The following UBE2E2 variants were observed in gnomAD, a reference collection of about 807,000 sequenced individuals.
The protein encoded by UBE2E2 is ubiquitin-conjugating enzyme E2 E2.
UBE2E2 carries 6 observed loss-of-function variants against 24.7 expected under a neutral mutation model. The observed-to-expected ratio is 0.24, with a 90% CI of 0.13 to 0.48. The LOEUF (loss-of-function observed/expected upper bound fraction) is 0.48. UBE2E2 is among the 20% of genes least tolerant of loss of function. The pLI is 0.99. For missense variants in UBE2E2, 169 were observed against 245.0 expected (o/e 0.69, Z 2.07); for synonymous variants, 104 against 83.6 (o/e 1.24, Z -1.33).
intron 3 of UBE2E2, among the ~76,000 whole-genome samples, chr3:23,449,607 A>G (rs1238853422): frequency 2.6e-5 from 4 of 152,192 alleles, no homozygotes; most frequent in African/African-American, 7.2e-5. Context: ...GGTTCAATCT[A>G]ATCTTTTCAG....
At chr3:23,370,833 TAAAC>T (rs975825261) in intron 3 of UBE2E2, among the ~76,000 whole-genome samples, 1 of 152,088 alleles carries the variant, frequency 6.6e-6, no homozygotes, top group African/African-American at 2.4e-5. Context: ...AGGAAGGTGA[TAAAC>T]AAATGGAAGG....
chr3:23,337,854 G>A (rs533280810), intron 3 of UBE2E2, among the ~76,000 whole-genome samples: 15 of 152,272 alleles, frequency 9.9e-5, no homozygotes, highest in African/African-American at 3.4e-4. Context: ...TATAGAGAAA[G>A]CCATCAAAAT....
chr3:23,572,674 T>C (rs918492729), intron 5 of UBE2E2, among the ~76,000 whole-genome samples: 17 of 152,224 alleles, frequency 1.1e-4, no homozygotes, highest in Non-Finnish European at 2.4e-4. Context: ...CTTAGGATAG[T>C]GGCCTTCAGC....
At chr3:23,499,523 T>C in intron 3 of UBE2E2, 85 bp from the exon 4 acceptor site, 2 of 1,503,856 alleles carry the variant, frequency 1.3e-6, no homozygotes, top group Non-Finnish European at 1.8e-6. Flanking sequence ...ATGGAATTGC[T>C]CAATTGGTTA....
intron 3 of UBE2E2, among the ~76,000 whole-genome samples, chr3:23,353,468 A>T (rs976576247): frequency 6.6e-6 from 1 of 152,216 alleles, no homozygotes; most frequent in Admixed American, 6.5e-5. Context: ...AGATGACATG[A>T]TAGTATATCT....
rs535342742 is a variant in UBE2E2 at position 23,315,097 on chromosome 3, C to G, written c.227+97785C>G. Among the ~76,000 whole-genome samples, 6 of 152,204 alleles carry G rather than the reference C, an allele frequency of 3.9e-5. No homozygotes were observed. The South Asian group carries it at 1.2e-3, about 32-fold the overall frequency. ...AAGGGCAGTAACTCTTAGGTTTGCC[C>G]TTTTAAGGATATTTTCTAGATCTTG... On this transcript the variant is annotated intron_variant, in intron 3 of 5. Coordinates refer to ENST00000396703, the MANE Select transcript of UBE2E2 (RefSeq NM_152653.4).
chr3:23,329,189 T>C (rs1034490248), intron 3 of UBE2E2, among the ~76,000 whole-genome samples: 3 of 152,150 alleles, frequency 2.0e-5, no homozygotes, highest in African/African-American at 4.8e-5. Context: ...ACTGTAGTTA[T>C]AGGGGAAAGT....
At position 23,467,664 on chromosome 3, in the gene UBE2E2, T is replaced by C. The variant is rs550069823; in HGVS notation, c.228-31944T>C. Among the ~76,000 whole-genome samples, 3 of 152,230 alleles carry C rather than the reference T, an allele frequency of 2.0e-5. No homozygotes were observed. In the South Asian group the frequency reaches 6.2e-4, roughly 31 times the overall value. On this transcript the variant is annotated intron_variant, in intron 3 of 5. Transcript: ENST00000396703. ...AGCTGCACTGTGATCTATGGTTATG[T>C]AACCCCACCATTTATAGCCTCACTA... is the stretch of plus-strand genomic sequence containing the variant.
rs1037017343 is a variant in UBE2E2, at chr3:23,359,375, T to C, written c.228-140233T>C. ...TCATAAGCAGTGAGGACTGGAGAAA[T>C]CACCTAGATTCCTCAGGCCAGATAT... On this transcript the variant is annotated intron_variant, in intron 3 of 5. Coordinates refer to ENST00000396703, the MANE Select transcript of UBE2E2 (RefSeq NM_152653.4). 6.6e-5 allele frequency among the ~76,000 whole-genome samples: 10 copies of C among 152,210 alleles called. 1 individual carries two copies. Among genetic ancestry groups the C allele is most frequent in the Admixed American group, 3.9e-4 (6 of 15,272 alleles).
chr3:23,321,533 A>T (rs763052251), intron 3 of UBE2E2, among the ~76,000 whole-genome samples: 3 of 151,390 alleles, frequency 2.0e-5, no homozygotes, highest in Non-Finnish European at 2.9e-5. Context: ...CCAGCTGCTA[A>T]ATCTCCTAGG....
chr3:23,227,851 T>C (rs1215533799), intron 3 of UBE2E2, among the ~76,000 whole-genome samples: 1 of 152,120 alleles, frequency 6.6e-6, no homozygotes, highest in East Asian at 1.9e-4. Flanking sequence ...TTCAAGCTTG[T>C]TTATATTCTC....
At chr3:23,298,998 C>T (rs1220518587) in intron 3 of UBE2E2, among the ~76,000 whole-genome samples, 1 of 152,156 alleles carries the variant, frequency 6.6e-6, no homozygotes, top group Admixed American at 6.5e-5. Context: ...GATTCAACTT[C>T]TTCCTGGTTT....
intron 3 of UBE2E2, among the ~76,000 whole-genome samples, chr3:23,335,245 A>G (rs1032871103): frequency 2.0e-5 from 3 of 152,168 alleles, no homozygotes; most frequent in Non-Finnish European, 4.4e-5. Context: ...GATGGGGGTA[A>G]AAATTAAAGA....
At chr3:23,224,643 T>A (rs546739784) in intron 3 of UBE2E2, among the ~76,000 whole-genome samples, 3 of 152,144 alleles carry the variant, frequency 2.0e-5, no homozygotes, top group Non-Finnish European at 4.4e-5. Context: ...TGCCCTTTAT[T>A]TCTTTTCTCT....
At chr3:23,570,070 TA>T (rs1696186737) in intron 5 of UBE2E2, among the ~76,000 whole-genome samples, 1 of 152,202 alleles carries the variant, frequency 6.6e-6, no homozygotes, top group South Asian at 2.1e-4. Context: ...GGTCCATTTT[TA>T]AACTCCCATC....
intron 5 of UBE2E2, among the ~76,000 whole-genome samples, chr3:23,551,908 A>C (rs764310192): frequency 6.6e-6 from 1 of 152,188 alleles, no homozygotes; most frequent in Non-Finnish European, 1.5e-5. Context: ...ATAAAGAGGT[A>C]ATCAAAGTTA....
At chr3:23,356,736 A>G (rs760675120) in intron 3 of UBE2E2, among the ~76,000 whole-genome samples, 3 of 152,352 alleles carry the variant, frequency 2.0e-5, no homozygotes, top group African/African-American at 7.2e-5. Context: ...CAGAAACACT[A>G]AATCTCTGTT....
intron 4 of UBE2E2, among the ~76,000 whole-genome samples, chr3:23,520,468 C>T (rs1044279004): frequency 1.4e-4 from 21 of 152,158 alleles, no homozygotes; most frequent in Admixed American, 1.4e-3. Flanking sequence ...TGATTACCCT[C>T]AAGTATGCAT....
At chr3:23,541,634 A>AACC in intron 5 of UBE2E2, among the ~76,000 whole-genome samples, 1 of 152,378 alleles carries the variant, frequency 6.6e-6, no homozygotes, top group South Asian at 2.1e-4. Context: ...CCTACAGGGA[A>AACC]ACCTGTTGCC....
Sources: allele counts gnomAD v4.1 joint callset (sites outside exome capture counted in the v4.1 genomes callset), GRCh38; gene constraint gnomAD v4.1.1; transcripts MANE v1.5; gene names NCBI Gene and HGNC (gene_info 2026-07-23, HGNC 2026-07-21).